The following PHACTR1 variants were observed in gnomAD, a reference collection of about 807,000 sequenced individuals.
PHACTR1 encodes RPEL repeat containing 1.
In PHACTR1, 16 loss-of-function variants were observed where a neutral mutation model predicts 69.2. The ratio of observed to expected loss-of-function variants is 0.23; its 90% CI spans 0.16 to 0.35. PHACTR1 has a LOEUF of 0.35. Ranked by LOEUF, PHACTR1 falls within the 10% of genes least tolerant of loss-of-function variation. The pLI is 1.00. For missense variants in PHACTR1, 510 were observed against 734.7 expected, an observed-to-expected ratio of 0.69 and a Z score of 3.54; for synonymous variants, 312 against 284.5, an observed-to-expected ratio of 1.10 and a Z score of -0.97.
At chr6:13,251,305 C>A (rs374842798) in intron 10 of PHACTR1, among the ~76,000 whole-genome samples, 52 of 152,304 alleles carry the variant, frequency 3.4e-4, no homozygotes, top group African/African-American at 1.2e-3. Flanking sequence ...ATCAGTCGTT[C>A]CCTCAGGATG....
intron 4 of PHACTR1, among the ~76,000 whole-genome samples, chr6:12,900,658 A>G (rs1785095776): frequency 1.3e-5 from 2 of 152,238 alleles, no homozygotes; most frequent in South Asian, 2.1e-4. Flanking sequence ...AGATTGTGCC[A>G]TTGTACTCCA....
At chr6:12,825,504 T>A (rs192805580) in intron 4 of PHACTR1, among the ~76,000 whole-genome samples, 1 of 152,370 alleles carries the variant, frequency 6.6e-6, no homozygotes, top group East Asian at 1.9e-4. Flanking sequence ...TAAGTTAATT[T>A]AAAAACCTAA....
At chr6:13,104,372 G>A (rs972834937) in intron 5 of PHACTR1, among the ~76,000 whole-genome samples, 1 of 152,200 alleles carries the variant, frequency 6.6e-6, no homozygotes, top group South Asian at 2.1e-4. Context: ...CTGTGTGTGT[G>A]TTGAGGGGTA....
chr6:12,826,499 G>T (rs900156716), intron 4 of PHACTR1, among the ~76,000 whole-genome samples: 1 of 152,138 alleles, frequency 6.6e-6, no homozygotes, highest in Non-Finnish European at 1.5e-5. Flanking sequence ...ATCTCCATGG[G>T]GAAATAGCTG....
intron 4 of PHACTR1, among the ~76,000 whole-genome samples, chr6:12,903,128 G>A (rs1785374074): frequency 6.6e-6 from 1 of 152,196 alleles, no homozygotes; most frequent in African/African-American, 2.4e-5. Context: ...GCTCTGCCAT[G>A]CATTACCTGG....
At chr6:13,115,510 G>A (rs1457402093) in intron 5 of PHACTR1, among the ~76,000 whole-genome samples, 1 of 151,886 alleles carries the variant, frequency 6.6e-6, no homozygotes, top group African/African-American at 2.4e-5. Context: ...CTTAGCATTG[G>A]CCTGAAAACA....
At chr6:13,098,720 C>T (rs1814672458) in intron 5 of PHACTR1, among the ~76,000 whole-genome samples, 1 of 152,208 alleles carries the variant, frequency 6.6e-6, no homozygotes, top group Non-Finnish European at 1.5e-5. Context: ...TTGTCTACCA[C>T]CTCTCACATC....
At chr6:12,895,417 A>G (rs2127474324) in intron 4 of PHACTR1, among the ~76,000 whole-genome samples, 1 of 152,208 alleles carries the variant, frequency 6.6e-6, no homozygotes, top group African/African-American at 2.4e-5. Flanking sequence ...TCCTGACCTC[A>G]GGTGATCTAC....
intron 4 of PHACTR1, among the ~76,000 whole-genome samples, chr6:12,869,003 C>CA (rs1372165630): frequency 2.8e-4 from 43 of 152,194 alleles, no homozygotes; most frequent in African/African-American, 9.9e-4. Flanking sequence ...GGTAGCAGGT[C>CA]CTTGTGAATT....
At chr6:12,961,649 T>C (rs1472169013) in intron 4 of PHACTR1, among the ~76,000 whole-genome samples, 1 of 152,232 alleles carries the variant, frequency 6.6e-6, no homozygotes, top group Non-Finnish European at 1.5e-5. Context: ...GATTTTCTTA[T>C]AGATAGTAAT....
intron 4 of PHACTR1, among the ~76,000 whole-genome samples, chr6:12,888,743 A>G (rs984970550): frequency 2.6e-5 from 4 of 152,196 alleles, no homozygotes; most frequent in Non-Finnish European, 5.9e-5. Flanking sequence ...CCAAAATCTC[A>G]GTAACTTGCA....
intron 4 of PHACTR1, among the ~76,000 whole-genome samples, chr6:12,954,234 T>C (rs574731865): frequency 4.7e-4 from 71 of 152,106 alleles, no homozygotes; most frequent in African/African-American, 1.7e-3. Context: ...AGAGCTGAGC[T>C]GGAAATGCTC....
At chr6:12,978,503 T>C (rs571828302) in intron 4 of PHACTR1, among the ~76,000 whole-genome samples, 29 of 152,320 alleles carry the variant, frequency 1.9e-4, no homozygotes, top group Admixed American at 1.2e-3. Context: ...GCCGTATCTC[T>C]CTTTTAAGAC....
rs779827762 is a variant in PHACTR1 at position 13,287,046 on chromosome 6, ATTGT to A, written c.1728-10_1728-7del. 5.6e-6 allele frequency: 9 copies of A among 1,607,424 alleles called. No individual in the cohort carries two copies. The highest frequency in any genetic ancestry group is 1.3e-5 in the African/African-American group (1 of 74,884). On this transcript the variant is annotated splice_polypyrimidine_tract_variant and intron_variant, in intron 14 of 14. Transcript: ENST00000332995. ...TTGGCAGCCCCTTGGTCTTGATGTA[ATTGT>A]TTGTTTCCTTAGGTTTCACCGACCT...
At chr6:12,861,712 T>C (rs1466857161) in intron 4 of PHACTR1, among the ~76,000 whole-genome samples, 4 of 152,216 alleles carry the variant, frequency 2.6e-5, no homozygotes, top group Non-Finnish European at 5.9e-5. Flanking sequence ...CAATTAACCA[T>C]ACTCTCCCAT....
chr6:13,202,066 G>A (rs183193880), intron 7 of PHACTR1, among the ~76,000 whole-genome samples: 4 of 152,340 alleles, frequency 2.6e-5, no homozygotes, highest in Non-Finnish European at 4.4e-5. Flanking sequence ...AAGGAGGGGG[G>A]TTCCCCAAGG....
At chr6:12,718,116 C>T (rs2127552460) in intron 2 of PHACTR1, among the ~76,000 whole-genome samples, 1 of 152,304 alleles carries the variant, frequency 6.6e-6, no homozygotes, top group South Asian at 2.1e-4. Flanking sequence ...AAAATCAGCC[C>T]CTGCCAGGCA....
intron 5 of PHACTR1, among the ~76,000 whole-genome samples, chr6:13,076,710 C>T (rs1382451699): frequency 6.6e-6 from 1 of 151,704 alleles, no homozygotes. Context: ...AGTGAGGTTC[C>T]CTGGGGCTTT....
intron 5 of PHACTR1, among the ~76,000 whole-genome samples, chr6:13,072,850 A>G (rs189163439): frequency 9.5e-4 from 145 of 152,130 alleles, no homozygotes; most frequent in African/African-American, 3.3e-3. Flanking sequence ...TGATATGGAG[A>G]GTAATGACTT....
Sources: gnomAD v4.1 joint callset for allele counts (sites outside exome capture counted in the v4.1 genomes callset) on GRCh38, gnomAD v4.1.1 for gene constraint, MANE v1.5 for transcripts, NCBI Gene and HGNC (gene_info 2026-07-23, HGNC 2026-07-21) for gene names.